The following ARMH1 variants were observed in gnomAD, a reference collection of about 807,000 sequenced individuals.
ARMH1 encodes the protein armadillo like helical domain containing 1, also known as armadillo-like helical domain containing protein 1.
In ARMH1, 34 loss-of-function variants were observed where a neutral mutation model predicts 50.2. The ratio of observed to expected loss-of-function variants is 0.68; its 90% CI spans 0.51 to 0.90. The LOEUF (loss-of-function observed/expected upper bound fraction) is 0.90, where lower values mean the gene tolerates loss of function less well. Among genes scored for constraint, ARMH1 ranks in the 40% least tolerant of loss-of-function variants. ARMH1 has a pLI of 0.00. For missense variants in ARMH1, 538 were observed against 553.9 expected (o/e 0.97, Z 0.29); for synonymous variants, 221 against 224.2 (o/e 0.99, Z 0.13).
intron 2 of ARMH1, among the ~76,000 whole-genome samples, chr1:44,693,543 G>A (rs886122289): frequency 2.6e-5 from 4 of 151,954 alleles, no homozygotes; most frequent in African/African-American, 9.7e-5. Context: ...CAACCTCCCG[G>A]GCTTAAGCCA....
chr1:44,700,578 T>C (rs995995663), intron 4 of ARMH1, among the ~76,000 whole-genome samples: 6 of 143,922 alleles, frequency 4.2e-5, no homozygotes, highest in African/African-American at 1.6e-4. Flanking sequence ...ATCGCACCAC[T>C]GTACTCCAGC....
intron 3 of ARMH1, among the ~76,000 whole-genome samples, chr1:44,697,371 T>C (rs1645862533): frequency 6.6e-6 from 1 of 151,980 alleles, no homozygotes; most frequent in Non-Finnish European, 1.5e-5. Flanking sequence ...GGCGCTTCAC[T>C]AGTCAGCACC....
intron 1 of ARMH1, chr1:44,688,246 T>G (rs1323407502): frequency 6.6e-6 from 1 of 152,366 alleles, no homozygotes; most frequent in African/African-American, 2.4e-5. Context: ...GATTTCGTGG[T>G]TATCTCCATC....
chr1:44,698,322 A>C (rs1316834186), intron 4 of ARMH1, 93 bp downstream of exon 4: 1 of 1,167,854 alleles, frequency 8.6e-7, no homozygotes, highest in Admixed American at 3.1e-5. Flanking sequence ...CACATCATGA[A>C]ACTGGTTGAA....
Position 44,701,073 on chromosome 1 carries a change from C to T in ARMH1, c.593C>T (p.Ser198Phe). 1 of 1,551,706 alleles carries T rather than the reference C, an allele frequency of 6.4e-7. No individual in the cohort carries two copies. The highest frequency in any genetic ancestry group is 8.7e-7 in the Non-Finnish European group (1 of 1,146,970). ...CTAATAGCTTTGCTGCCCTGCGAGT[C>T]CCCAAAAGCCCAGCAGCTGTCCCTG... The part of the protein sequence containing the change: ...KGLIALLPCE[S>F]PKAQQLSLQT... Residue 198 changes from serine (S) to phenylalanine (F), a missense_variant, in exon 5 of 12, where the codon TCC becomes TTC. Physicochemically the swap from Ser to Phe is radical, Grantham distance 155. Transcript: ENST00000535358.
rs1645125161 is a variant in ARMH1 at position 44,675,928 on chromosome 1, C to G, written c.-23+1055C>G. ...TGAGCCGAGATTGCTCCACTGCACT[C>G]CAGCCTGGGTGACAGAGCGCGACTC... On this transcript the variant is annotated intron_variant, in intron 1 of 11. Transcript: ENST00000535358. Among the ~76,000 whole-genome samples the G allele has an allele frequency of 1.3e-5, 2 of 152,068 alleles. 1 individual carries two copies. Among genetic ancestry groups the G allele is most frequent in the South Asian group, 4.1e-4 (2 of 4,830 alleles).
rs1459769514 is a variant in ARMH1 at position 44,724,609 on chromosome 1, G to A, written c.991G>A (p.Ala331Thr). 15 of 1,515,106 alleles carry A rather than the reference G, an allele frequency of 9.9e-6. No homozygotes were observed. The highest frequency in any genetic ancestry group is 1.3e-5 in the Non-Finnish European group (15 of 1,134,866). 93.9% of individuals were successfully genotyped at this position (1,515,106 alleles called of 1,614,324 possible). Residue 331 changes from alanine (A) to threonine (T), a missense_variant, in exon 9 of 12, where the codon GCC becomes ACC. Ala to Thr is a moderately conservative substitution (Grantham distance 58). Coordinates refer to ENST00000535358, the MANE Select transcript of ARMH1 (RefSeq NM_001145636.2). The surrounding 1 kb of genome is among the most constrained non-coding windows in gnomAD (Gnocchi z 6.4). ...CCTGCGCGTGGTGCGTGGCCTAATG[G>A]CCGCCATGGGCAACACGGACCACAG... The part of the protein sequence containing the change: ...LYLRVVRGLM[A>T]AMGNTDHSNS...
chr1:44,682,416 GT>G lies in ARMH1; in HGVS notation c.-22-7257del, dbSNP rs1276532311. Among the ~76,000 whole-genome samples the G allele has an allele frequency of 6.6e-6, 1 of 152,188 alleles. No individual in the cohort carries two copies. Among genetic ancestry groups the G allele is most frequent in the Non-Finnish European group, 1.5e-5 (1 of 68,036 alleles). On this transcript the variant is annotated intron_variant, in intron 1 of 11. Coordinates refer to ENST00000535358, the MANE Select transcript of ARMH1 (RefSeq NM_001145636.2). The surrounding 1 kb of genome is among the most constrained non-coding windows in gnomAD (Gnocchi z 4.5). Reference sequence around the variant, plus strand: ...CAGTAGTAGGGATTTAGAGAATGGTGTTTGAGGTGTAGGATAGTGGGCAGCC... The same window carrying G: ...CAGTAGTAGGGATTTAGAGAATGGTGTTGAGGTGTAGGATAGTGGGCAGCC...
chr1:44,689,830 C>T lies in ARMH1; in HGVS notation c.133C>T (p.Pro45Ser). 1 of 1,551,652 alleles carries T rather than the reference C, an allele frequency of 6.4e-7. No homozygotes were observed. Among genetic ancestry groups the T allele is most frequent in the African/African-American group, 1.4e-5 (1 of 73,140 alleles). ...TGAAACCAACCAAGGCAAGACTGCC[C>T]CTGAACTGGAGCAGGAGTTTTCCCA... ...FIETNQGKTA[P>S]ELEQEFSQGA... The change falls in exon 2 of 12, where the codon CCT becomes TCT. Residue 45 changes from proline (P) to serine (S), a missense_variant. Transcript: ENST00000535358.
At chr1:44,695,039 G>A (rs909065142) in intron 2 of ARMH1, among the ~76,000 whole-genome samples, 1 of 152,150 alleles carries the variant, frequency 6.6e-6, no homozygotes, top group Non-Finnish European at 1.5e-5. Context: ...CTACTCAGTG[G>A]ACCGTGCAGA....
At chr1:44,720,950 T>C (rs1328113673) in intron 6 of ARMH1, among the ~76,000 whole-genome samples, 1 of 151,896 alleles carries the variant, frequency 6.6e-6, no homozygotes, top group African/African-American at 2.4e-5. Context: ...GGCAGGAGAA[T>C]CCCTTGAACC....
chr1:44,722,798 G>A (rs1005673432), intron 6 of ARMH1, among the ~76,000 whole-genome samples: 1 of 150,672 alleles, frequency 6.6e-6, no homozygotes, highest in Non-Finnish European at 1.5e-5. Context: ...AGTGGCTCAT[G>A]CCTGCTATCC....
At chr1:44,704,954 C>T (rs772901000) in intron 6 of ARMH1, among the ~76,000 whole-genome samples, 17 of 151,920 alleles carry the variant, frequency 1.1e-4, no homozygotes, top group Non-Finnish European at 1.8e-4. Context: ...CCTGCCTCAG[C>T]CTCCCAAGTA....
At chr1:44,717,991 C>A (rs1646920750) in intron 6 of ARMH1, among the ~76,000 whole-genome samples, 1 of 152,202 alleles carries the variant, frequency 6.6e-6, no homozygotes, top group Non-Finnish European at 1.5e-5. Context: ...GTGAATAAAT[C>A]TTCATTTTTC....
chr1:44,680,166 AGTTTGTTTGTTT>A (rs3044192), intron 1 of ARMH1, among the ~76,000 whole-genome samples: 258 of 151,898 alleles, frequency 1.7e-3, no homozygotes, highest in South Asian at 2.7e-3. Context: ...ATTGGGGCCA[AGTTTGTTTGTTT>A]GTTTGTTTGT....
At position 44,700,995 on chromosome 1, in the gene ARMH1, T is replaced by C. The variant is rs1227623487; in HGVS notation, c.515T>C (p.Leu172Ser). ...EETQEEVQVL[L>S]DSLVHGNPKY... is the part of the protein sequence containing the mutation. ...ACCCAGGAGGAAGTGCAGGTTCTGT[T>C]GGATTCTTTGGTCCACGGCAATCCC... is the stretch of plus-strand genomic sequence containing the variant. Residue 172 changes from leucine to serine, a missense_variant, in exon 5 of 12, where the codon TTG becomes TCG. Transcript: ENST00000535358. 6.4e-7 allele frequency: 1 copy of C among 1,551,714 alleles called. No homozygotes were observed. Among genetic ancestry groups the C allele is most frequent in the Admixed American group, 2.0e-5 (1 of 50,986 alleles).
At chr1:44,700,009 T>A (rs1344284372) in intron 4 of ARMH1, among the ~76,000 whole-genome samples, 1 of 151,990 alleles carries the variant, frequency 6.6e-6, no homozygotes. Flanking sequence ...TTTGTATTTT[T>A]AATACAGACA....
chr1:44,694,565 A>G (rs931642880), intron 2 of ARMH1, among the ~76,000 whole-genome samples: 1 of 137,032 alleles, frequency 7.3e-6, no homozygotes, highest in Non-Finnish European at 1.5e-5. Context: ...GCTGGAGTGC[A>G]GTGGTGCAAT....
intron 6 of ARMH1, among the ~76,000 whole-genome samples, chr1:44,720,687 T>C (rs1284080962): frequency 6.6e-6 from 1 of 152,138 alleles, no homozygotes; most frequent in Admixed American, 6.6e-5. Flanking sequence ...GGCAGCTTCC[T>C]GAAAGTTGAT....
Sources: gnomAD v4.1 joint callset for allele counts (sites outside exome capture counted in the v4.1 genomes callset) on GRCh38, gnomAD v4.1.1 for gene constraint, Gnocchi (gnomAD v3.1) non-coding constraint, MANE v1.5 for transcripts, NCBI Gene and HGNC (gene_info 2026-07-23, HGNC 2026-07-21) for gene names.